The following TGFBR2 variants were observed in gnomAD, a reference collection of about 807,000 sequenced individuals.
The protein encoded by TGFBR2 is transforming growth factor beta receptor 2, also known as TGF-beta receptor type-2.
In TGFBR2, 18 loss-of-function variants were observed where a neutral mutation model predicts 49.0. The ratio of observed to expected loss-of-function variants is 0.37; its 90% confidence interval spans 0.25 to 0.54. The LOEUF (loss-of-function observed/expected upper bound fraction) is 0.54, where lower values mean the gene tolerates loss of function less well. Among genes scored for constraint, TGFBR2 ranks in the 20% least tolerant of loss-of-function variants. The pLI, the probability that TGFBR2 is intolerant of heterozygous loss-of-function variation, is 0.85. For missense variants in TGFBR2, 525 were observed against 722.6 expected, an observed-to-expected ratio of 0.73 and a Z score of 3.13; for synonymous variants, 282 against 275.9, an observed-to-expected ratio of 1.02 and a Z score of -0.22.
chr3:30,630,123 G>A (rs921216040), intron 1 of TGFBR2, among the ~76,000 whole-genome samples: 1 of 152,144 alleles, frequency 6.6e-6, no homozygotes, highest in Admixed American at 6.5e-5. Context: ...CTGGTAAAAA[G>A]ATTATGCTAA....
At chr3:30,630,180 A>G (rs1245796594) in intron 1 of TGFBR2, among the ~76,000 whole-genome samples, 1 of 152,172 alleles carries the variant, frequency 6.6e-6, no homozygotes, top group Non-Finnish European at 1.5e-5. Flanking sequence ...CTTCTCAGTC[A>G]CCTCTGGCCA....
intron 3 of TGFBR2, among the ~76,000 whole-genome samples, chr3:30,660,670 A>C (rs532828043): frequency 1.3e-5 from 2 of 152,346 alleles, no homozygotes; most frequent in African/African-American, 4.8e-5. Context: ...ATAGCAAGAC[A>C]CTTTAAGAGG....
chr3:30,639,339 G>C (rs1698602426), intron 1 of TGFBR2, among the ~76,000 whole-genome samples: 1 of 152,154 alleles, frequency 6.6e-6, no homozygotes, highest in African/African-American at 2.4e-5. Flanking sequence ...AAAATCATTT[G>C]ACTTTAAGTA....
intron 1 of TGFBR2, among the ~76,000 whole-genome samples, chr3:30,610,289 G>A (rs939539877): frequency 4.7e-5 from 7 of 149,644 alleles, no homozygotes; most frequent in African/African-American, 1.7e-4. Context: ...TGGAATACTG[G>A]TGTTTTATTT....
intron 3 of TGFBR2, among the ~76,000 whole-genome samples, chr3:30,658,949 T>C (rs3773636): frequency 0.68 from 103,410 of 152,020 alleles, 35,807 homozygotes; most frequent in Non-Finnish European, 0.74. Context: ...ACTTCCGTTG[T>C]TTTCCGAGTA....
intron 3 of TGFBR2, among the ~76,000 whole-genome samples, chr3:30,660,181 G>A (rs1171462306): frequency 6.6e-6 from 1 of 151,984 alleles, no homozygotes; most frequent in Non-Finnish European, 1.5e-5. Flanking sequence ...CTAATTAGAG[G>A]ATATAGTTGG....
Position 30,671,773 on chromosome 3 carries a change from T to C in TGFBR2, c.590T>C (p.Leu197Pro). 6.2e-7 allele frequency: 1 copy of C among 1,614,216 alleles called. No individual in the cohort carries two copies. Among genetic ancestry groups the C allele is most frequent in the Middle Eastern group, 1.6e-4 (1 of 6,062 alleles). Residue 197 changes from leucine to proline, a missense_variant, in exon 4 of 7, where the codon CTG becomes CCG. By Grantham distance (98) the Leu-to-Pro change is moderately conservative. This residue lies in a region of TGFBR2 where 376 missense variants were observed against 478.2 expected (regional missense o/e 0.79). Coordinates refer to ENST00000295754, the MANE Select transcript of TGFBR2 (RefSeq NM_003242.6). Reference protein sequence around the residue: ...YCYRVNRQQKLSSTWETGKTR... With the variant: ...YCYRVNRQQKPSSTWETGKTR... ...TACCGCGTTAACCGGCAGCAGAAGCTGAGTTCAACCTGGGAAACCGGCAAG... is the reference window on the plus strand; with the variant it reads ...TACCGCGTTAACCGGCAGCAGAAGCCGAGTTCAACCTGGGAAACCGGCAAG...
chr3:30,645,530 G>A, intron 2 of TGFBR2, among the ~76,000 whole-genome samples: 1 of 143,636 alleles, frequency 7.0e-6, no homozygotes, highest in African/African-American at 2.6e-5. Context: ...CTGTCATTCA[G>A]GCTAGAGTGC....
At chr3:30,685,027 C>T (rs150199096) in intron 5 of TGFBR2, among the ~76,000 whole-genome samples, 1 of 152,238 alleles carries the variant, frequency 6.6e-6, no homozygotes, top group East Asian at 1.9e-4. Context: ...TGTCTTTGTT[C>T]TCAAGGACTA....
intron 1 of TGFBR2, among the ~76,000 whole-genome samples, chr3:30,642,030 T>A (rs1426136983): frequency 2.0e-5 from 3 of 152,136 alleles, no homozygotes; most frequent in Admixed American, 2.0e-4. Context: ...CCACTTGCAT[T>A]TGTCAATACA....
intron 1 of TGFBR2, among the ~76,000 whole-genome samples, chr3:30,637,350 G>T (rs1698555247): frequency 6.6e-6 from 1 of 152,168 alleles, no homozygotes. Flanking sequence ...CTCCTGAAGA[G>T]AACCTGTGAC....
At chr3:30,630,096 T>A (rs542489292) in intron 1 of TGFBR2, among the ~76,000 whole-genome samples, 10 of 152,294 alleles carry the variant, frequency 6.6e-5, no homozygotes, top group African/African-American at 2.2e-4. Context: ...TTGAGCGAGT[T>A]CACAACTCCA....
intron 1 of TGFBR2, among the ~76,000 whole-genome samples, chr3:30,627,340 A>T (rs971018406): frequency 2.6e-5 from 4 of 152,102 alleles, no homozygotes; most frequent in Admixed American, 6.5e-5. Flanking sequence ...CATCGTTTGG[A>T]ATTCTGAAGA....
At chr3:30,637,106 G>A (rs1698551607) in intron 1 of TGFBR2, among the ~76,000 whole-genome samples, 1 of 148,914 alleles carries the variant, frequency 6.7e-6, no homozygotes, top group African/African-American at 2.5e-5. Context: ...CAACAAAACA[G>A]AAATGGTGGT....
chr3:30,666,351 G>T (rs1699242678), intron 3 of TGFBR2, among the ~76,000 whole-genome samples: 1 of 152,078 alleles, frequency 6.6e-6, no homozygotes, highest in South Asian at 2.1e-4. Flanking sequence ...TCTGAGAAAA[G>T]AAAAAGATTT....
At chr3:30,631,670 G>A (rs551330929) in intron 1 of TGFBR2, among the ~76,000 whole-genome samples, 1 of 150,026 alleles carries the variant, frequency 6.7e-6, no homozygotes, top group South Asian at 2.1e-4. Flanking sequence ...AAACATGAAG[G>A]GGGAAGTTTC....
intron 2 of TGFBR2, 147 bp downstream of exon 2, chr3:30,645,062 AT>A (rs1293388731): frequency 1.3e-6 from 1 of 784,790 alleles, no homozygotes; most frequent in Non-Finnish European, 2.1e-6. Flanking sequence ...TCTTTCGATT[AT>A]TAAATGTAGT....
At chr3:30,660,394 A>G (rs1026659947) in intron 3 of TGFBR2, among the ~76,000 whole-genome samples, 1 of 152,178 alleles carries the variant, frequency 6.6e-6, no homozygotes, top group Non-Finnish European at 1.5e-5. Context: ...GCAGTTTCTG[A>G]CTTAATTGGT....
intron 3 of TGFBR2, among the ~76,000 whole-genome samples, chr3:30,671,018 CTG>C (rs1699327206): frequency 6.6e-6 from 1 of 152,230 alleles, no homozygotes; most frequent in East Asian, 1.9e-4. Context: ...TTGGTGCAAA[CTG>C]TGGCACGCTC....
Sources: allele counts gnomAD v4.1 joint callset (sites outside exome capture counted in the v4.1 genomes callset), GRCh38; gene constraint gnomAD v4.1.1; regional missense constraint gnomAD v4.1.1; transcripts MANE v1.5; gene names NCBI Gene and HGNC (gene_info 2026-07-23, HGNC 2026-07-21).